AARSD1: variants seen among roughly 807,000 people sequenced by gnomAD.
AARSD1 encodes the protein alanyl-tRNA synthetase domain containing 1, also known as alanyl-tRNA editing protein Aarsd1.
Under a neutral mutation model 48.7 loss-of-function variants are expected in AARSD1, and 44 were observed. The observed-to-expected ratio is 0.90, with a 90% CI of 0.71 to 1.16. AARSD1 has a LOEUF of 1.16. Among genes scored for constraint, AARSD1 ranks in the 50% most tolerant of loss-of-function variants. The probability of loss-of-function intolerance (pLI) is 0.00; values close to 1 mark genes in which losing one functional copy is unlikely to be tolerated. For missense variants in AARSD1, 511 were observed against 523.1 expected, an observed-to-expected ratio of 0.98 and a Z score of 0.23; for synonymous variants, 189 against 194.9, an observed-to-expected ratio of 0.97 and a Z score of 0.25.
At chr17:42,960,483 G>A (rs1237443065) in intron 3 of AARSD1, among the ~76,000 whole-genome samples, 2 of 151,778 alleles carry the variant, frequency 1.3e-5, no homozygotes, top group Non-Finnish European at 2.9e-5. Context: ...TGTACTTTGC[G>A]GGGTCAAGGC....
rs773817856 is a variant in AARSD1, at chr17:42,955,829, G to C, written c.794+13C>G. ...GAAATGGGAGGTAATCGAAGGTACT[G>C]AAACAGGCATACTTAAGCAGAGCAG... On this transcript the variant is annotated intron_variant, in intron 7 of 11. Coordinates refer to ENST00000427569, the MANE Select transcript of AARSD1 (RefSeq NM_001261434.2). 8 of 1,613,950 alleles carry C rather than the reference G, an allele frequency of 5.0e-6. No individual in the cohort carries two copies. The highest frequency in any genetic ancestry group is 6.8e-6 in the Non-Finnish European group (8 of 1,179,992).
At chr17:42,962,770 A>G (rs2151943767) in intron 2 of AARSD1, among the ~76,000 whole-genome samples, 1 of 152,330 alleles carries the variant, frequency 6.6e-6, no homozygotes, top group East Asian at 1.9e-4. Context: ...AGTGGCTCAC[A>G]CCTGTAGGCC....
chr17:42,954,630 T>C (rs2049522493), intron 9 of AARSD1, among the ~76,000 whole-genome samples: 1 of 152,042 alleles, frequency 6.6e-6, no homozygotes, highest in South Asian at 2.1e-4. Context: ...AGAAGGGGTT[T>C]CACCATGCTG....
At chr17:42,951,699 TA>T in intron 11 of AARSD1, 100 bp downstream of exon 11, 1 of 1,283,570 alleles carries the variant, frequency 7.8e-7, no homozygotes, top group East Asian at 2.4e-5. Flanking sequence ...TGATGTGAAT[TA>T]AATGAGATCG....
rs187517116 is a variant in AARSD1 at position 42,950,878 on chromosome 17, G to A, written c.1104-150C>T. 4.4e-4 allele frequency: 598 copies of A among 1,346,258 alleles called. 2 individuals are homozygous for A. In the African/African-American group the frequency reaches 7.9e-3, roughly 18 times the overall value. The allele number at this position is 1,346,258 out of a possible 1,614,324, so 83.4% of individuals were successfully genotyped here. The stretch of plus-strand genomic sequence containing the variant: ...CTTTCTTGAAAACACTTGCACATAG[G>A]CTGGGCATGGTGGCTCACACCTGTA... On this transcript the variant is annotated intron_variant, in intron 11 of 11. Coordinates refer to ENST00000427569, the MANE Select transcript of AARSD1 (RefSeq NM_001261434.2).
chr17:42,956,132 A>G, intron 6 of AARSD1, 72 bp downstream of exon 6: 1 of 1,610,224 alleles, frequency 6.2e-7, no homozygotes, highest in Non-Finnish European at 8.5e-7. Flanking sequence ...CCCCTCTCCC[A>G]CTCCCAGCCC....
Position 42,954,983 on chromosome 17 carries a change from T to C in AARSD1, c.862-16A>G. 2 of 1,614,122 alleles carry C rather than the reference T, an allele frequency of 1.2e-6. No homozygotes were observed. Among genetic ancestry groups the C allele is most frequent in the Middle Eastern group, 1.6e-4 (1 of 6,062 alleles). On this transcript the variant is annotated splice_polypyrimidine_tract_variant and intron_variant, in intron 8 of 11. Coordinates refer to ENST00000427569, the MANE Select transcript of AARSD1 (RefSeq NM_001261434.2). ...TCAGGTTATTCTGAAATGGATATGGTAACTCAGTAGATAAATGGAAAGGAT... is the reference window on the plus strand; with the variant it reads ...TCAGGTTATTCTGAAATGGATATGGCAACTCAGTAGATAAATGGAAAGGAT...
At chr17:42,961,699 C>G (rs2049639851) in intron 2 of AARSD1, among the ~76,000 whole-genome samples, 1 of 152,210 alleles carries the variant, frequency 6.6e-6, no homozygotes, top group Non-Finnish European at 1.5e-5. Context: ...CCTCCCTCCA[C>G]TCCATCCTCT....
chr17:42,961,234 C>A lies in AARSD1; in HGVS notation c.289G>T (p.Val97Leu), dbSNP rs369113433. Residue 97 changes from valine (V) to leucine (L), a missense_variant, in exon 3 of 12, where the codon GTA (valine) becomes TTA (leucine). Physicochemically the swap from Val to Leu is conservative, Grantham distance 32. Coordinates refer to ENST00000427569, the MANE Select transcript of AARSD1 (RefSeq NM_001261434.2). ...TGGTCAAACCTCCGCTCCCAATCTA[C>A]CCGGACCAGAACCTGGCTTCCTGGA... is the stretch of plus-strand genomic sequence containing the variant. ...LDPGSQVLVRVDWERRFDHMQ... is the reference protein window; with the variant it reads ...LDPGSQVLVRLDWERRFDHMQ... 42 of 1,614,090 alleles carry A rather than the reference C, an allele frequency of 2.6e-5. No homozygotes were observed. The African/African-American group carries it at 5.3e-4, about 20-fold the overall frequency.
At position 42,956,552 on chromosome 17, in the gene AARSD1, C is replaced by T; in HGVS notation, c.398G>A (p.Gly133Glu). 1 of 1,611,016 alleles carries T rather than the reference C, an allele frequency of 6.2e-7. No homozygotes were observed. Among genetic ancestry groups the T allele is most frequent in the Non-Finnish European group, 8.5e-7 (1 of 1,178,456 alleles). ...CAGCTCAATCGCACTCCGAAATCTC[C>T]CTAACTCCCTGTCAGAAGTACAGTG... ...FKLKTTSWEL[G>E]RFRSAIELDT... Residue 133 changes from glycine to glutamate, a missense_variant, in exon 5 of 12, where the codon GGG becomes GAG. Coordinates refer to ENST00000427569, the MANE Select transcript of AARSD1 (RefSeq NM_001261434.2).
Position 42,951,780 on chromosome 17 carries a change from G to A in AARSD1, c.1103+20C>T. On this transcript the variant is annotated intron_variant, in intron 11 of 11. Transcript: ENST00000427569. Reference sequence around the variant, plus strand: ...GATACAGGCTCTACTACATGTGCAAGAGAGTCCACAAAGAATTACCTGGGC... The same window carrying A: ...GATACAGGCTCTACTACATGTGCAAAAGAGTCCACAAAGAATTACCTGGGC... 6.2e-7 allele frequency: 1 copy of A among 1,613,048 alleles called. No individual in the cohort carries two copies. The highest frequency in any genetic ancestry group is 8.5e-7 in the Non-Finnish European group (1 of 1,179,094).
Position 42,957,185 on chromosome 17 carries a change from G to A in AARSD1, c.342C>T (p.Leu114=), listed in dbSNP as rs1276259559. 4 of 1,613,702 alleles carry A rather than the reference G, an allele frequency of 2.5e-6. No individual in the cohort carries two copies. The highest frequency in any genetic ancestry group is 3.4e-6 in the Non-Finnish European group (4 of 1,179,942). ...ATAGATGGTCAGCAACTGCCGTGAT[G>A]AGATGCTGCCCTAAGCAAAGAGAGC... ...DHMQQHSGQH[L]ITAVADHLFK... The change falls in exon 4 of 12, where the codon CTC becomes CTT. Residue 114 remains leucine, a synonymous_variant. Coordinates refer to ENST00000427569, the MANE Select transcript of AARSD1 (RefSeq NM_001261434.2).
chr17:42,959,538 T>C (rs2049603584), intron 3 of AARSD1, among the ~76,000 whole-genome samples: 2 of 150,744 alleles, frequency 1.3e-5, no homozygotes, highest in African/African-American at 4.9e-5. Flanking sequence ...TACATTTATT[T>C]TCTGAGACAG....
rs771368425 is a variant in AARSD1, at chr17:42,950,701, T to C, written c.1131A>G (p.Gly377=). The C allele has an allele frequency of 3.7e-6, 6 of 1,613,632 alleles. No individual in the cohort carries two copies. Among genetic ancestry groups the C allele is most frequent in the Non-Finnish European group, 5.1e-6 (6 of 1,179,928 alleles). Residue 377 remains glycine, a synonymous_variant, in exon 12 of 12, where the codon GGA becomes GGG. Coordinates refer to ENST00000427569, the MANE Select transcript of AARSD1 (RefSeq NM_001261434.2). ...CCTGAAAACGGCCTTTCTTCCCTGC[T>C]CCTTTGCCTTCCAGGACCTCAGCCA... ...PRVAEVLEGK[G]AGKKGRFQGK... is the part of the protein sequence containing the mutation.
intron 3 of AARSD1, among the ~76,000 whole-genome samples, chr17:42,959,474 C>T (rs192275744): frequency 2.6e-5 from 4 of 151,670 alleles, no homozygotes; most frequent in African/African-American, 7.2e-5. Context: ...ATGATCTGTC[C>T]GACTTGGCCT....
At chr17:42,956,018 C>A in intron 6 of AARSD1, 46 bp from the exon 7 acceptor site, 3 of 1,613,180 alleles carry the variant, frequency 1.9e-6, no homozygotes, top group Non-Finnish European at 2.5e-6. Flanking sequence ...TGTGCACATG[C>A]ATAAACCACA....
At chr17:42,958,543 C>T (rs930479761) in intron 3 of AARSD1, among the ~76,000 whole-genome samples, 3 of 151,374 alleles carry the variant, frequency 2.0e-5, no homozygotes, top group Admixed American at 6.6e-5. Context: ...TTTCATTTTA[C>T]ATATTTATTT....
chr17:42,963,653 G>T (rs2049669357), intron 2 of AARSD1, among the ~76,000 whole-genome samples: 1 of 151,614 alleles, frequency 6.6e-6, no homozygotes, highest in South Asian at 2.1e-4. Flanking sequence ...TCCTTCCTTG[G>T]GGCCTTTGCA....
At chr17:42,958,601 C>T (rs1045453769) in intron 3 of AARSD1, among the ~76,000 whole-genome samples, 3 of 150,638 alleles carry the variant, frequency 2.0e-5, no homozygotes, top group African/African-American at 2.4e-5. Context: ...GATGGAGTAT[C>T]GCTCTGTCAC....
Sources: gnomAD v4.1 joint callset for allele counts (sites outside exome capture counted in the v4.1 genomes callset) on GRCh38, gnomAD v4.1.1 for gene constraint, MANE v1.5 for transcripts, NCBI Gene and HGNC (gene_info 2026-07-23, HGNC 2026-07-21) for gene names.